BCL2L13: variants seen among roughly 807,000 people sequenced by gnomAD.
The protein encoded by BCL2L13 is bcl-2-like protein 13.
BCL2L13 carries 13 observed loss-of-function variants against 25.8 expected under a neutral mutation model. That is an observed-to-expected ratio of 0.50 (90% confidence interval 0.33 to 0.80). The LOEUF is 0.80. BCL2L13 is among the 30% of genes least tolerant of loss of function. The pLI is 0.02. For missense variants in BCL2L13, 504 were observed against 574.9 expected (o/e 0.88, Z 1.26); for synonymous variants, 244 against 230.3 (o/e 1.06, Z -0.54).
rs1456766377 is a variant in BCL2L13 at position 17,728,105 on chromosome 22, T to A, written c.*571T>A. 6.4e-6 allele frequency: 1 copy of A among 155,300 alleles called. No homozygotes were observed. The highest frequency in any genetic ancestry group is 6.1e-5 in the Admixed American group (1 of 16,414). The allele number at this position is 155,300 out of a possible 1,614,324, so 9.6% of individuals were successfully genotyped here. ...TTCATCTTTCTCGATGAGCAGGCTC[T>A]GCACCCACTCTTTTTTTGCCCCCCG... On this transcript the variant is annotated 3_prime_UTR_variant, in exon 7 of 7. Transcript: ENST00000317582.
intron 6 of BCL2L13, among the ~76,000 whole-genome samples, chr22:17,719,633 A>G (rs542344660): frequency 7.2e-5 from 11 of 152,256 alleles, no homozygotes; most frequent in African/African-American, 2.6e-4. Context: ...GATCGAGACC[A>G]TCCTGGCCAA....
At chr22:17,677,765 A>T (rs759750194) in intron 2 of BCL2L13, among the ~76,000 whole-genome samples, 2 of 151,906 alleles carry the variant, frequency 1.3e-5, no homozygotes, top group Non-Finnish European at 2.9e-5. Flanking sequence ...CTAGCTACTC[A>T]GGAGGCTGAG....
At chr22:17,702,151 G>T in intron 5 of BCL2L13, 92 bp from the exon 6 acceptor site, 10 of 945,170 alleles carry the variant, frequency 1.1e-5, no homozygotes, top group Non-Finnish European at 1.6e-5. Context: ...CCTTAATGAT[G>T]CATTTAAATA....
Position 17,702,038 on chromosome 22 carries a change from A to T in BCL2L13, c.457-205A>T, listed in dbSNP as rs191188422. Among the ~76,000 whole-genome samples the T allele has an allele frequency of 1.3e-3, 194 of 152,280 alleles. 1 individual carries two copies. The highest frequency in any genetic ancestry group is 2.1e-3 in the Non-Finnish European group (143 of 68,018). ...ACACACATGCCTAATTATTTTCAAT[A>T]ACTATTTCTACCTGCCTATTGTATA... On this transcript the variant is annotated intron_variant, in intron 5 of 6. Coordinates refer to ENST00000317582, the MANE Select transcript of BCL2L13 (RefSeq NM_015367.4).
At chr22:17,642,637 A>G (rs1385079348) in intron 1 of BCL2L13, among the ~76,000 whole-genome samples, 1 of 150,520 alleles carries the variant, frequency 6.6e-6, no homozygotes, top group Non-Finnish European at 1.5e-5. Flanking sequence ...CTTGTTGCCC[A>G]GGCTGGAGTG....
rs565787483 is a variant in BCL2L13 at position 17,727,363 on chromosome 22, C to T, written c.1287C>T (p.Ser429=). The T allele has an allele frequency of 7.6e-5, 123 of 1,614,176 alleles. No individual in the cohort carries two copies. Among genetic ancestry groups the T allele is most frequent in the Admixed American group, 5.8e-4 (35 of 60,024 alleles). Residue 429 remains serine, a synonymous_variant, in exon 7 of 7, where the codon AGC becomes AGT. Transcript: ENST00000317582. ...TTGTGGAAGAGCTGTCCCCTGCCAG[C>T]GAGAAGAAGCCCGTGCCGCCGTCTG... ...ESLVEELSPA[S]EKKPVPPSEG...
chr22:17,647,222 C>T (rs1380609041), intron 1 of BCL2L13, among the ~76,000 whole-genome samples: 1 of 151,770 alleles, frequency 6.6e-6, no homozygotes, highest in Non-Finnish European at 1.5e-5. Flanking sequence ...GATCCGCTCG[C>T]CTTGGCCTCC....
chr22:17,666,289 A>G (rs2059231345), intron 2 of BCL2L13, among the ~76,000 whole-genome samples: 1 of 152,098 alleles, frequency 6.6e-6, no homozygotes, highest in African/African-American at 2.4e-5. Flanking sequence ...TAATACAGGC[A>G]TGCAATGACA....
At chr22:17,634,960 G>GA (rs60698908), upstream of BCL2L13, among the ~76,000 whole-genome samples, 1,093 of 101,916 alleles carry the variant, frequency 0.011, 6 homozygotes, top group African/African-American at 0.026. Flanking sequence ...GTCTCAAAAG[G>GA]AAAAAAAAAA....
chr22:17,693,372 G>GTTTGGTTTTTTTTT (rs1284865411), intron 4 of BCL2L13, among the ~76,000 whole-genome samples: 2 of 70,612 alleles, frequency 2.8e-5, no homozygotes, highest in African/African-American at 1.0e-4. Context: ...TTTAGTGTTT[G>GTTTGGTTTTTTTTT]TTTTTTTTTT....
chr22:17,710,067 T>TTAA (rs2060704646), intron 6 of BCL2L13, among the ~76,000 whole-genome samples: 2 of 91,790 alleles, frequency 2.2e-5, no homozygotes, highest in Admixed American at 2.7e-4. Flanking sequence ...GACCTTGTCT[T>TTAA]AAAAAAAAAA....
chr22:17,629,420 A>G (rs2057956665), intron 1 of BCL2L13, among the ~76,000 whole-genome samples: 1 of 148,434 alleles, frequency 6.7e-6, no homozygotes. Context: ...GCAGCTACAT[A>G]ATTTATTTGG....
At chr22:17,714,269 G>A (rs184271583) in intron 6 of BCL2L13, among the ~76,000 whole-genome samples, 117 of 151,864 alleles carry the variant, frequency 7.7e-4, no homozygotes, top group Non-Finnish European at 1.4e-3. Context: ...CTCCAGCCTG[G>A]GCAACAGAGT....
chr22:17,656,115 C>T (rs1208948271), intron 2 of BCL2L13, among the ~76,000 whole-genome samples: 2 of 151,190 alleles, frequency 1.3e-5, no homozygotes, highest in Admixed American at 6.6e-5. Flanking sequence ...GTGGCATGCG[C>T]CTGTAGTCCA....
intron 6 of BCL2L13, chr22:17,706,696 T>G: frequency 7.4e-7 from 1 of 1,350,672 alleles, no homozygotes; most frequent in East Asian, 4.6e-5. Flanking sequence ...CACAGACTGG[T>G]TCATGTGCTG....
In BCL2L13 at chr22:17,641,015, C is replaced by T. The variant is rs553558049; in HGVS notation, c.-51+2129C>T. 2.6e-3 allele frequency among the ~76,000 whole-genome samples: 390 copies of T among 151,834 alleles called. 1 individual carries two copies. The highest frequency in any genetic ancestry group is 4.7e-3 in the Non-Finnish European group (321 of 67,908). ...ACACCATTCTCCTGCCTCAGCCTCC[C>T]GAGTAGCTGGGACTACAGGTGCCCG... is the stretch of plus-strand genomic sequence containing the variant. On this transcript the variant is annotated intron_variant, in intron 1 of 6. Coordinates refer to ENST00000317582, the MANE Select transcript of BCL2L13 (RefSeq NM_015367.4).
At chr22:17,660,574 G>A (rs751526202) in intron 2 of BCL2L13, among the ~76,000 whole-genome samples, 2 of 143,828 alleles carry the variant, frequency 1.4e-5, no homozygotes, top group Non-Finnish European at 1.6e-5. Flanking sequence ...ACAGGCCCGC[G>A]CCACCATACC....
At chr22:17,661,394 AT>A (rs1168905746) in intron 2 of BCL2L13, among the ~76,000 whole-genome samples, 1 of 145,640 alleles carries the variant, frequency 6.9e-6, no homozygotes, top group Non-Finnish European at 1.6e-5. Context: ...CCTGGCCAAC[AT>A]TTTATTTTTT....
At chr22:17,725,656 T>C (rs1406740533) in intron 6 of BCL2L13, among the ~76,000 whole-genome samples, 1 of 152,224 alleles carries the variant, frequency 6.6e-6, no homozygotes, top group Non-Finnish European at 1.5e-5. Flanking sequence ...GAGCACAAGG[T>C]CTTGCCTTTG....
Sources: allele counts gnomAD v4.1 joint callset (sites outside exome capture counted in the v4.1 genomes callset), GRCh38; gene constraint gnomAD v4.1.1; transcripts MANE v1.5; gene names NCBI Gene and HGNC (gene_info 2026-07-23, HGNC 2026-07-21).